The following UNC79 variants were observed in gnomAD, a reference collection of about 807,000 sequenced individuals.
UNC79 encodes the protein unc-79 subunit of NALCN channel complex.
In UNC79, 37 loss-of-function variants were observed where a neutral mutation model predicts 283.1. The ratio of observed to expected loss-of-function variants is 0.13; its 90% CI spans 0.10 to 0.17. UNC79 has a LOEUF of 0.17. Ranked by LOEUF, UNC79 falls within the 10% of genes least tolerant of loss-of-function variation. The pLI, the probability that UNC79 is intolerant of heterozygous loss-of-function variation, is 1.00. For missense variants in UNC79, 2,272 were observed against 3,211.1 expected (o/e 0.71, Z 7.07); for synonymous variants, 1,107 against 1,200.2 (o/e 0.92, Z 1.61).
At chr14:93,646,797 C>T (rs2069662524) in intron 35 of UNC79, 151 bp downstream of exon 38, 4 of 720,106 alleles carry the variant, frequency 5.6e-6, no homozygotes, top group Middle Eastern at 2.5e-4. Context: ...ATCACTCGAG[C>T]CCGGGAGTTC....
intron 38 of UNC79, among the ~76,000 whole-genome samples, chr14:93,658,332 T>A (rs1202547182): frequency 6.6e-6 from 1 of 152,056 alleles, no homozygotes; most frequent in African/African-American, 2.4e-5. Context: ...GATTTGGGAG[T>A]TTCTGATTCA....
chr14:93,346,978 TG>T (rs1344452427), intron 1 of UNC79, among the ~76,000 whole-genome samples: 1 of 145,290 alleles, frequency 6.9e-6, no homozygotes, highest in Non-Finnish European at 1.5e-5. Flanking sequence ...AGCAGGGGTG[TG>T]CTGGGTGGAA....
chr14:93,578,162 A>C (rs2063576211), intron 18 of UNC79, 99 bp downstream of exon 18: 2 of 1,163,990 alleles, frequency 1.7e-6, no homozygotes, highest in African/African-American at 1.5e-5. Flanking sequence ...CACACTTATC[A>C]AAATGATTCA....
chr14:93,474,306 G>C lies in UNC79; in HGVS notation c.361G>C (p.Asp121His), dbSNP rs2057678861. The C allele has an allele frequency of 6.5e-7, 1 of 1,536,052 alleles. No homozygotes were observed. The highest frequency in any genetic ancestry group is 8.7e-7 in the Non-Finnish European group (1 of 1,146,862). Residue 121 changes from aspartate to histidine, a missense_variant, in exon 3 of 49, where the codon GAC becomes CAC. Transcript: ENST00000555664. The surrounding 1 kb of genome is among the most constrained non-coding windows in gnomAD (Gnocchi z 4.1). The stretch of plus-strand genomic sequence containing the variant: ...GCAAAGTCGTGATGCTCAGTTGTCA[G>C]ACTACCCTTCTTTGGACTACCAAGG...
At chr14:93,341,255 G>A (rs765282885) in intron 1 of UNC79, among the ~76,000 whole-genome samples, 3 of 151,938 alleles carry the variant, frequency 2.0e-5, no homozygotes, top group Admixed American at 6.6e-5. Context: ...TCAGGAGTTC[G>A]AGACCAGCCT....
At chr14:93,419,190 A>G (rs1223285360) in intron 1 of UNC79, among the ~76,000 whole-genome samples, 4 of 139,696 alleles carry the variant, frequency 2.9e-5, no homozygotes, top group African/African-American at 1.1e-4. Context: ...TTTTTTTGAG[A>G]TGGAGTCTCA....
chr14:93,695,746 G>A (rs917884721), intron 47 of UNC79, among the ~76,000 whole-genome samples: 1 of 151,770 alleles, frequency 6.6e-6, no homozygotes, highest in African/African-American at 2.4e-5. Flanking sequence ...ACCAACATCA[G>A]CCAGGCATGG....
intron 12 of UNC79, among the ~76,000 whole-genome samples, chr14:93,540,450 G>A (rs1267319367): frequency 6.6e-6 from 1 of 152,134 alleles, no homozygotes; most frequent in Non-Finnish European, 1.5e-5. Flanking sequence ...TTTGAAATGG[G>A]AATGGAGTAT....
Position 93,621,976 on chromosome 14 carries a change from T to C in UNC79, c.4743T>C (p.Val1581=). 2 of 1,614,050 alleles carry C rather than the reference T, an allele frequency of 1.2e-6. No homozygotes were observed. The highest frequency in any genetic ancestry group is 1.1e-5 in the South Asian group (1 of 91,062). ...CTCGAAGGCCTGTCATACCAGAGGTTAGGTTAAACTGTATGGAGACTTTCG... is the reference window on the plus strand; with the variant it reads ...CTCGAAGGCCTGTCATACCAGAGGTCAGGTTAAACTGTATGGAGACTTTCG... The change falls in exon 30 of 49, where the codon GTT becomes GTC. Residue 1581 remains valine (V), a synonymous_variant. Coordinates refer to ENST00000555664, the Ensembl canonical transcript of UNC79. The surrounding 1 kb of genome is among the most constrained non-coding windows in gnomAD (Gnocchi z 4.8).
chr14:93,663,379 G>A (rs569677359), intron 40 of UNC79, among the ~76,000 whole-genome samples: 1 of 152,278 alleles, frequency 6.6e-6, no homozygotes, highest in Non-Finnish European at 1.5e-5. Context: ...CAAAATGGGA[G>A]CATTTCTGTC....
chr14:93,479,604 T>TTCCCTTCC (rs2058016910), intron 4 of UNC79, among the ~76,000 whole-genome samples: 1 of 151,982 alleles, frequency 6.6e-6, no homozygotes, highest in Admixed American at 6.6e-5. Context: ...GGCTTCCTCC[T>TTCCCTTCC]TCCCTTCCTC....
At chr14:93,530,175 A>C (rs1212984998) in intron 10 of UNC79, among the ~76,000 whole-genome samples, 1 of 146,784 alleles carries the variant, frequency 6.8e-6, no homozygotes, top group East Asian at 2.1e-4. Context: ...CCTGCCTGTA[A>C]TCCCAGCTAC....
Position 93,467,658 on chromosome 14 carries a change from T to TTTTTTTTTTTTTTTTTTG in UNC79, c.23-13_23-12insTTTTTTTTTTTTTTTTTG. ...TTTTTTTTTTTTTTTTTTTTTTTTT[T>TTTTTTTTTTTTTTTTTTG]GCTTTTATCTAGTTGCTTCCAAGAT... is the stretch of plus-strand genomic sequence containing the variant. On this transcript the variant is annotated splice_polypyrimidine_tract_variant and intron_variant, in intron 1 of 48. Transcript: ENST00000555664. 9.0e-7 allele frequency: 1 copy of TTTTTTTTTTTTTTTTTTG among 1,105,902 alleles called. No individual in the cohort carries two copies. Among genetic ancestry groups the TTTTTTTTTTTTTTTTTTG allele is most frequent in the Non-Finnish European group, 1.1e-6 (1 of 903,014 alleles). The allele number at this position is 1,105,902 out of a possible 1,614,324, so 68.5% of individuals were successfully genotyped here. A position where few individuals can be genotyped will look rare whatever the true frequency, so the allele number is the denominator to read the frequency against.
At chr14:93,481,083 A>C (rs1385861894) in intron 4 of UNC79, among the ~76,000 whole-genome samples, 4 of 152,150 alleles carry the variant, frequency 2.6e-5, no homozygotes, top group African/African-American at 4.8e-5. Flanking sequence ...TTTCCTCCTT[A>C]CCATCCTTGT....
At chr14:93,660,545 ATATATATATATATATATATGTGTG>A (rs1566878684) in intron 39 of UNC79, among the ~76,000 whole-genome samples, 1 of 119,234 alleles carries the variant, frequency 8.4e-6, no homozygotes, top group African/African-American at 3.8e-5. Flanking sequence ...ATATATATAT[ATATATATATATATATATATGTGTG>A]TGTGTGTGTG....
In UNC79 at chr14:93,396,326, T is replaced by C. The variant is rs141447373; in HGVS notation, c.-351+62803T>C. 5.9e-3 allele frequency among the ~76,000 whole-genome samples: 902 copies of C among 152,290 alleles called. 10 individuals carry two copies. The highest frequency in any genetic ancestry group is 0.021 in the African/African-American group (859 of 41,576). ...ATTTAGTGAGACATGATTCTCATAC[T>C]TTCCTTTAATCCTTTAGATATGATT... On this transcript the variant is annotated intron_variant, in intron 1 of 49. Coordinates refer to the UNC79 transcript ENST00000256339.
At chr14:93,632,454 C>T (rs2068105142) in intron 31 of UNC79, among the ~76,000 whole-genome samples, 1 of 152,098 alleles carries the variant, frequency 6.6e-6, no homozygotes, top group Non-Finnish European at 1.5e-5. Flanking sequence ...AATCCCAGCA[C>T]TTGGGAAGCT....
chr14:93,663,933 A>G (rs1359165967), intron 40 of UNC79, among the ~76,000 whole-genome samples: 3 of 152,170 alleles, frequency 2.0e-5, no homozygotes, highest in African/African-American at 4.8e-5. Context: ...CACTGTAGAT[A>G]TTGATTACAG....
At chr14:93,641,755 G>C (rs2069056121) in intron 33 of UNC79, among the ~76,000 whole-genome samples, 1 of 152,218 alleles carries the variant, frequency 6.6e-6, no homozygotes, top group Non-Finnish European at 1.5e-5. Flanking sequence ...GATAAATTAG[G>C]TAGATGATAT....
Sources: allele counts gnomAD v4.1 joint callset (sites outside exome capture counted in the v4.1 genomes callset), GRCh38; gene constraint gnomAD v4.1.1; non-coding constraint Gnocchi (gnomAD v3.1); transcripts MANE v1.5; gene names NCBI Gene and HGNC (gene_info 2026-07-23, HGNC 2026-07-21).